Variants in RIMS2 observed in about 807,000 individuals in gnomAD.
The protein encoded by RIMS2 is regulating synaptic membrane exocytosis protein 2.
RIMS2 carries 59 observed loss-of-function variants against 174.4 expected under a neutral mutation model. That is an observed-to-expected ratio of 0.34 (90% confidence interval 0.27 to 0.42). RIMS2 has a LOEUF of 0.42. RIMS2 is among the 10% of genes least tolerant of loss of function. The pLI, the probability that RIMS2 is intolerant of heterozygous loss-of-function variation, is 1.00. For synonymous variants in RIMS2, 606 were observed against 572.5 expected (o/e 1.06, Z -0.84); for missense variants, 1,620 against 1,666.3 (o/e 0.97, Z 0.48).
At chr8:103,712,215 G>C (rs1206164747) in intron 2 of RIMS2, among the ~76,000 whole-genome samples, 1 of 135,174 alleles carries the variant, frequency 7.4e-6, no homozygotes, top group East Asian at 2.1e-4. Context: ...TCGCCACCTT[G>C]CCCAGGAAAT....
chr8:103,708,865 C>T (rs1036076274), intron 2 of RIMS2, among the ~76,000 whole-genome samples: 2 of 152,064 alleles, frequency 1.3e-5, no homozygotes, highest in African/African-American at 4.8e-5. Flanking sequence ...AATATTTTTA[C>T]TGTTCCTTCC....
chr8:103,791,709 T>C (rs1039781204), intron 3 of RIMS2, among the ~76,000 whole-genome samples: 1 of 151,806 alleles, frequency 6.6e-6, no homozygotes, highest in African/African-American at 2.4e-5. Flanking sequence ...AGACTCAAAA[T>C]AAAGGGATGG....
intron 1 of RIMS2, among the ~76,000 whole-genome samples, chr8:103,654,684 AG>A (rs1487715933): frequency 2.0e-5 from 3 of 151,968 alleles, no homozygotes; most frequent in Admixed American, 1.3e-4. Context: ...CGGATTTATA[AG>A]GCTTCTTCTT....
chr8:103,719,528 C>T (rs1320447296), intron 2 of RIMS2, among the ~76,000 whole-genome samples: 2 of 152,158 alleles, frequency 1.3e-5, no homozygotes, highest in African/African-American at 2.4e-5. Context: ...GATAATTTAA[C>T]ACATTTTCTC....
intron 13 of RIMS2, among the ~76,000 whole-genome samples, chr8:103,940,498 G>T (rs2082279431): frequency 6.7e-6 from 1 of 149,596 alleles, no homozygotes; most frequent in African/African-American, 2.5e-5. Context: ...AACTATATCA[G>T]TTTTTTTTTT....
intron 17 of RIMS2, among the ~76,000 whole-genome samples, chr8:103,996,034 CA>C (rs1004902178): frequency 4.0e-5 from 6 of 151,054 alleles, no homozygotes; most frequent in African/African-American, 1.5e-4. Context: ...CAAGAGATTA[CA>C]AAAAAAGGAA....
At chr8:103,676,077 C>T (rs2096806098) in intron 1 of RIMS2, among the ~76,000 whole-genome samples, 1 of 152,090 alleles carries the variant, frequency 6.6e-6, no homozygotes, top group Non-Finnish European at 1.5e-5. Context: ...CATAAAGACC[C>T]ATTTAAGACA....
At chr8:104,114,111 T>C (rs2098241628) in intron 19 of RIMS2, among the ~76,000 whole-genome samples, 1 of 152,070 alleles carries the variant, frequency 6.6e-6, no homozygotes, top group South Asian at 2.1e-4. Context: ...CTAATTTTTG[T>C]CAATGTTATT....
At chr8:103,769,784 T>G (rs1476560450) in intron 3 of RIMS2, among the ~76,000 whole-genome samples, 3 of 152,232 alleles carry the variant, frequency 2.0e-5, no homozygotes, top group Non-Finnish European at 4.4e-5. Flanking sequence ...TCTTTTCTCT[T>G]TTGCCTGGTG....
chr8:103,896,467 A>G (rs1185543227), intron 4 of RIMS2, among the ~76,000 whole-genome samples: 6 of 151,618 alleles, frequency 4.0e-5, no homozygotes, highest in South Asian at 2.1e-4. Flanking sequence ...TCTCAATTTG[A>G]TATCTGCTTT....
intron 2 of RIMS2, among the ~76,000 whole-genome samples, chr8:103,754,954 A>G (rs2097961047): frequency 6.6e-6 from 1 of 152,158 alleles, no homozygotes; most frequent in African/African-American, 2.4e-5. Flanking sequence ...GTTATGTGTG[A>G]ATTTGATCCT....
chr8:103,628,672 G>A (rs969012875), intron 1 of RIMS2, among the ~76,000 whole-genome samples: 4 of 150,348 alleles, frequency 2.7e-5, no homozygotes, highest in Non-Finnish European at 4.4e-5. Flanking sequence ...GCTGGCCCTT[G>A]GGGTTTTTTG....
chr8:104,221,895 T>C (rs553783520), intron 19 of RIMS2, among the ~76,000 whole-genome samples: 9 of 152,332 alleles, frequency 5.9e-5, no homozygotes, highest in Non-Finnish European at 7.4e-5. Context: ...CTCTTGTCTC[T>C]CTGTCCTTCA....
intron 1 of RIMS2, among the ~76,000 whole-genome samples, chr8:103,640,661 T>A (rs1346291481): frequency 6.6e-6 from 1 of 152,086 alleles, no homozygotes; most frequent in African/African-American, 2.4e-5. Flanking sequence ...TTTTGAGATT[T>A]TTCACTATAG....
chr8:103,529,310 T>G (rs564462154), intron 1 of RIMS2, among the ~76,000 whole-genome samples: 1 of 152,232 alleles, frequency 6.6e-6, no homozygotes, highest in South Asian at 2.1e-4. Flanking sequence ...GTCTACCTAC[T>G]CAAGCCTCAG....
At chr8:103,837,398 G>C (rs1281760591) in intron 3 of RIMS2, among the ~76,000 whole-genome samples, 6 of 152,188 alleles carry the variant, frequency 3.9e-5, no homozygotes, top group Non-Finnish European at 8.8e-5. Context: ...TATATTTTAA[G>C]TTTTAGGGTA....
At chr8:103,751,887 T>C (rs2139758497) in intron 2 of RIMS2, among the ~76,000 whole-genome samples, 1 of 152,028 alleles carries the variant, frequency 6.6e-6, no homozygotes, top group East Asian at 1.9e-4. Context: ...TTTTCTCCCA[T>C]TTTGTAGGTT....
chr8:103,788,805 G>C (rs1010224459), intron 3 of RIMS2, among the ~76,000 whole-genome samples: 9 of 152,158 alleles, frequency 5.9e-5, no homozygotes, highest in Admixed American at 3.9e-4. Flanking sequence ...CCACCCAGTT[G>C]GAGCTTGCTG....
intron 3 of RIMS2, among the ~76,000 whole-genome samples, chr8:103,793,185 A>G (rs1052247575): frequency 1.3e-5 from 2 of 152,256 alleles, no homozygotes; most frequent in African/African-American, 4.8e-5. Context: ...AATTCTCAAT[A>G]AATACTGGTA....
Sources: allele counts gnomAD v4.1 joint callset (sites outside exome capture counted in the v4.1 genomes callset), GRCh38; gene constraint gnomAD v4.1.1; transcripts MANE v1.5; gene names NCBI Gene and HGNC (gene_info 2026-07-23, HGNC 2026-07-21).